The following PROSER1 variants were observed in gnomAD, a reference collection of about 807,000 sequenced individuals.
PROSER1 encodes proline and serine-rich protein 1.
In PROSER1, 36 loss-of-function variants were observed where a neutral mutation model predicts 71.8. The ratio of observed to expected loss-of-function variants is 0.50; its 90% confidence interval spans 0.38 to 0.66. PROSER1 has a LOEUF of 0.66. PROSER1 is among the 30% of genes least tolerant of loss of function. The pLI is 0.00. For synonymous variants in PROSER1, 490 were observed against 452.4 expected (o/e 1.08, Z -1.06); for missense variants, 1,107 against 1,135.0 (o/e 0.98, Z 0.35).
chr13:39,030,207 C>G (rs1870771354), intron 3 of PROSER1, among the ~76,000 whole-genome samples: 1 of 152,240 alleles, frequency 6.6e-6, no homozygotes, highest in South Asian at 2.1e-4. Context: ...AGTTTAAATA[C>G]TCACAAAAGG....
rs757635603 is a variant in PROSER1, at chr13:39,011,507, G to A, written c.2713-20C>T. 6.2e-7 allele frequency: 1 copy of A among 1,612,438 alleles called. No homozygotes were observed. Among genetic ancestry groups the A allele is most frequent in the Non-Finnish European group, 8.5e-7 (1 of 1,179,750 alleles). Reference sequence around the variant, plus strand: ...ATGGACCTGATGGAAAGAAGAGCGTGTGGTTTAGCAGAGTGCCAAGTTCAT... The same window carrying A: ...ATGGACCTGATGGAAAGAAGAGCGTATGGTTTAGCAGAGTGCCAAGTTCAT... On this transcript the variant is annotated intron_variant, in intron 12 of 12. Transcript: ENST00000352251.
rs750390730 is a variant in PROSER1 at position 39,017,556 on chromosome 13, TAAATA to T, written c.731-17_731-13del. The T allele has an allele frequency of 5.9e-6, 8 of 1,364,418 alleles. No individual in the cohort carries two copies. Among genetic ancestry groups the T allele is most frequent in the African/African-American group, 3.0e-5 (2 of 67,712 alleles). The allele number at this position is 1,364,418 out of a possible 1,614,324, so 84.5% of individuals were successfully genotyped here. ...AAGGTCTTCATTCTCTATATAAAAATAAATAAAAGTTCATTTTAAACTTTAATCAA... is the reference window on the plus strand; with the variant it reads ...AAGGTCTTCATTCTCTATATAAAAATAAAGTTCATTTTAAACTTTAATCAA... On this transcript the variant is annotated splice_polypyrimidine_tract_variant and intron_variant, in intron 9 of 12. Transcript: ENST00000352251.
rs1869645438 is a variant in PROSER1, at chr13:39,011,371, C to A, written c.2829G>T (p.Trp943Cys). ...GAATAAAAGTTAAAAGTATTCACTG[C>A]CACCCACTCTGGGACAGGCTTGGTT... ...SLQPSLSQSG[W>C]Q is the part of the protein sequence containing the mutation. Residue 943 changes from tryptophan to cysteine, a missense_variant, in exon 13 of 13, where the codon TGG (tryptophan) becomes TGT (cysteine). By Grantham distance (215) the Trp-to-Cys change is radical. Transcript: ENST00000352251. 6.2e-7 allele frequency: 1 copy of A among 1,613,930 alleles called. No individual in the cohort carries two copies. The highest frequency in any genetic ancestry group is 8.5e-7 in the Non-Finnish European group (1 of 1,179,898).
At chr13:39,017,407 T>TA in intron 10 of PROSER1, 93 bp downstream of exon 10, 1 of 822,518 alleles carries the variant, frequency 1.2e-6, no homozygotes, top group Non-Finnish European at 2.0e-6. Context: ...TCCTAAAACA[T>TA]AACCATTCCA....
chr13:39,027,673 G>A (rs193045452), intron 5 of PROSER1, among the ~76,000 whole-genome samples: 20 of 152,210 alleles, frequency 1.3e-4, no homozygotes, highest in African/African-American at 4.6e-4. Context: ...CAACTGAACT[G>A]CCAGGCTCAT....
Position 39,014,224 on chromosome 13 carries a change from G to T in PROSER1, c.1028C>A (p.Pro343His), listed in dbSNP as rs756730138. ...NPTVIRTPSL[P>H]TAPVTSIHST... ...GTGGATGGATGTAACAGGTGCAGTG[G>T]GCAATGAAGGGGTTCTGATAACTGT... is the stretch of plus-strand genomic sequence containing the variant. The change falls in exon 11 of 13, where the codon CCC becomes CAC. Residue 343 changes from proline (P) to histidine (H), a missense_variant. Physicochemically the swap from Pro to His is moderately conservative, Grantham distance 77. Transcript: ENST00000352251. 1 of 1,614,066 alleles carries T rather than the reference G, an allele frequency of 6.2e-7. No homozygotes were observed. Among genetic ancestry groups the T allele is most frequent in the Non-Finnish European group, 8.5e-7 (1 of 1,180,032 alleles).
rs1397997671 is a variant in PROSER1 at position 39,020,093 on chromosome 13, AC to A, written c.730+2232del. 3.3e-5 allele frequency among the ~76,000 whole-genome samples: 5 copies of A among 150,148 alleles called. No homozygotes were observed. In the East Asian group the frequency reaches 5.9e-4, roughly 18 times the overall value. ...TCAAGAGACTTAAAAAAAAAAAAAA[AC>A]TAGAGAGGGTAATTAGTAATAAGCA... On this transcript the variant is annotated intron_variant, in intron 9 of 12. Transcript: ENST00000352251.
rs1869637280 is a variant in PROSER1 at position 39,011,274 on chromosome 13, C to T, written c.*91G>A. ...GATTACCCTCATTCTCATTTTCCGA[C>T]TTTTGGCCAGCTTCACATTTGTCAG... On this transcript the variant is annotated 3_prime_UTR_variant, in exon 13 of 13. Transcript: ENST00000352251. 1 of 1,374,464 alleles carries T rather than the reference C, an allele frequency of 7.3e-7. No homozygotes were observed. The highest frequency in any genetic ancestry group is 1.0e-6 in the Non-Finnish European group (1 of 994,154). 85.1% of individuals were successfully genotyped at this position (1,374,464 alleles called of 1,614,324 possible). A position where few individuals can be genotyped will look rare whatever the true frequency, so the allele number is the denominator to read the frequency against.
At chr13:39,029,765 A>C (rs1317007290) in intron 3 of PROSER1, among the ~76,000 whole-genome samples, 1 of 152,196 alleles carries the variant, frequency 6.6e-6, no homozygotes, top group Non-Finnish European at 1.5e-5. Context: ...CCTCAGTTAG[A>C]GGGCTAAGTA....
At chr13:39,035,925 C>T (rs1409624167) in intron 1 of PROSER1, among the ~76,000 whole-genome samples, 1 of 152,204 alleles carries the variant, frequency 6.6e-6, no homozygotes, top group African/African-American at 2.4e-5. Flanking sequence ...GAAATACAGA[C>T]TTAAGTTGCC....
chr13:39,033,611 G>T (rs1192742909), intron 2 of PROSER1, among the ~76,000 whole-genome samples: 1 of 152,100 alleles, frequency 6.6e-6, no homozygotes, highest in Non-Finnish European at 1.5e-5. Context: ...CTGCCCCTAA[G>T]GTGGAATGAA....
intron 9 of PROSER1, among the ~76,000 whole-genome samples, chr13:39,021,075 A>C (rs1380606023): frequency 6.6e-6 from 1 of 152,196 alleles, no homozygotes; most frequent in Non-Finnish European, 1.5e-5. Flanking sequence ...CTTTTATGTC[A>C]TTAGCAAAGT....
chr13:39,018,517 C>CACACACACACACACA (rs1870127366), intron 9 of PROSER1, among the ~76,000 whole-genome samples: 1 of 145,806 alleles, frequency 6.9e-6, no homozygotes, highest in Non-Finnish European at 1.5e-5. Context: ...CACACACACA[C>CACACACACACACACA]TACTGGGAAA....
At position 39,014,280 on chromosome 13, in the gene PROSER1, A is replaced by G. The variant is rs2138101093; in HGVS notation, c.972T>C (p.Val324=). 1 of 1,614,084 alleles carries G rather than the reference A, an allele frequency of 6.2e-7. No individual in the cohort carries two copies. The highest frequency in any genetic ancestry group is 1.1e-5 in the South Asian group (1 of 91,082). ...TTGGTATTGATGGCTGAGGTGTGTG[A>G]ACGGCTGAGGAGACCTGCCCTGGGA... The part of the protein sequence containing the change: ...PVFPGQVSSA[V]HTPQPSIPNP... Residue 324 remains valine, a synonymous_variant, in exon 11 of 13, where the codon GTT becomes GTC. Coordinates refer to ENST00000352251, the MANE Select transcript of PROSER1 (RefSeq NM_025138.5).
At position 39,013,441 on chromosome 13, in the gene PROSER1, G is replaced by T; in HGVS notation, c.1811C>A (p.Pro604His). The T allele has an allele frequency of 1.2e-6, 2 of 1,614,174 alleles. No homozygotes were observed. Among genetic ancestry groups the T allele is most frequent in the South Asian group, 1.1e-5 (1 of 91,086 alleles). ...ISSTPAATTLPVMIKTEPTSP... is the reference protein window; with the variant it reads ...ISSTPAATTLHVMIKTEPTSP... ...TGTGGGCTCAGTTTTGATCATAACA[G>T]GAAGAGTTGTTGCAGCAGGGGTAGA... is the stretch of plus-strand genomic sequence containing the variant. The change falls in exon 11 of 13, where the codon CCT becomes CAT. Residue 604 changes from proline (P) to histidine (H), a missense_variant. By Grantham distance (77) the Pro-to-His change is moderately conservative. Transcript: ENST00000352251.
Position 39,034,209 on chromosome 13 carries a change from A to ACACACACACAC in PROSER1, c.46-14_46-13insGTGTGTGTGTG. The ACACACACACAC allele has an allele frequency of 6.5e-7, 1 of 1,549,386 alleles. No individual in the cohort carries two copies. Among genetic ancestry groups the ACACACACACAC allele is most frequent in the Non-Finnish European group, 8.7e-7 (1 of 1,143,882 alleles). On this transcript the variant is annotated splice_polypyrimidine_tract_variant and intron_variant, in intron 1 of 12. Coordinates refer to ENST00000352251, the MANE Select transcript of PROSER1 (RefSeq NM_025138.5). ...CTGTCAAAACAGCCTAAAAAAAAAAAACACACACACACAGAGTAAAACAGC... is the reference window on the plus strand; with the variant it reads ...CTGTCAAAACAGCCTAAAAAAAAAAACACACACACACACACACACACACAGAGTAAAACAGC...
intron 3 of PROSER1, among the ~76,000 whole-genome samples, chr13:39,030,837 TG>T (rs753672611): frequency 2.0e-5 from 3 of 151,992 alleles, no homozygotes; most frequent in Non-Finnish European, 4.4e-5. Flanking sequence ...AGAGAACAGG[TG>T]CGATAACTCT....
Position 39,012,746 on chromosome 13 carries a change from C to G in PROSER1, c.2506G>C (p.Gly836Arg). 1 of 1,611,814 alleles carries G rather than the reference C, an allele frequency of 6.2e-7. No homozygotes were observed. Among genetic ancestry groups the G allele is most frequent in the Non-Finnish European group, 8.5e-7 (1 of 1,178,800 alleles). Residue 836 changes from glycine (G) to arginine (R), a missense_variant, in exon 11 of 13, where the codon GGA becomes CGA. Transcript: ENST00000352251. ...TTGGAACTGAATGCTGAGGCGAATCCTGGGAGGACTGGAGCTGGGGATGGG... is the reference window on the plus strand; with the variant it reads ...TTGGAACTGAATGCTGAGGCGAATCGTGGGAGGACTGGAGCTGGGGATGGG... ...TAPSPAPVLP[G>R]FASAFSSNFN...
chr13:39,031,340 A>G (rs925579786), intron 3 of PROSER1, among the ~76,000 whole-genome samples: 8 of 152,236 alleles, frequency 5.3e-5, no homozygotes, highest in African/African-American at 1.7e-4. Flanking sequence ...TTGCTGGTGA[A>G]GTTTTCTTCT....
Sources: gnomAD v4.1 joint callset for allele counts (sites outside exome capture counted in the v4.1 genomes callset) on GRCh38, gnomAD v4.1.1 for gene constraint, MANE v1.5 for transcripts, NCBI Gene and HGNC (gene_info 2026-07-23, HGNC 2026-07-21) for gene names.